DGUOK: variants seen among roughly 807,000 people sequenced by gnomAD.
The protein encoded by DGUOK is deoxyguanosine kinase.
A neutral mutation model predicts 36.6 loss-of-function variants in DGUOK; 30 were observed. The observed-to-expected ratio is 0.82, with a 90% confidence interval of 0.61 to 1.11. The LOEUF is 1.11. DGUOK is among the 50% of genes most tolerant of loss of function. DGUOK has a pLI of 0.00. For synonymous variants in DGUOK, 145 were observed against 126.3 expected, an observed-to-expected ratio of 1.15 and a Z score of -0.99; for missense variants, 361 against 336.4, an observed-to-expected ratio of 1.07 and a Z score of -0.57.
intron 1 of DGUOK, among the ~76,000 whole-genome samples, chr2:73,928,252 C>T (rs947283635): frequency 2.0e-5 from 3 of 152,108 alleles, no homozygotes; most frequent in African/African-American, 7.2e-5. Context: ...CTCAGCCTCC[C>T]GAATAGCTGG....
intron 2 of DGUOK, among the ~76,000 whole-genome samples, chr2:73,946,054 C>CA (rs777937800): frequency 2.7e-3 from 87 of 32,224 alleles, no homozygotes; most frequent in East Asian, 7.7e-3. Context: ...GACTCTGTCT[C>CA]AAAAAAAAAA....
intron 1 of DGUOK, among the ~76,000 whole-genome samples, chr2:73,927,426 A>G (rs1680687587): frequency 6.6e-6 from 1 of 152,268 alleles, no homozygotes; most frequent in Admixed American, 6.5e-5. Flanking sequence ...TCCAGTTAAA[A>G]TAGAATTTAA....
At chr2:73,937,050 G>A (rs1489399493) in intron 1 of DGUOK, among the ~76,000 whole-genome samples, 1 of 152,244 alleles carries the variant, frequency 6.6e-6, no homozygotes, top group African/African-American at 2.4e-5. Context: ...CATGATTGGA[G>A]TTTGGTCCTG....
intron 4 of DGUOK, among the ~76,000 whole-genome samples, chr2:73,953,303 T>A (rs1294632812): frequency 2.2e-5 from 3 of 137,968 alleles, no homozygotes; most frequent in Non-Finnish European, 3.0e-5. Flanking sequence ...GTCGTCGTCG[T>A]CGTCGTCGTC....
intron 3 of DGUOK, among the ~76,000 whole-genome samples, chr2:73,948,334 A>ATT (rs1682479194): frequency 6.6e-6 from 1 of 152,264 alleles, no homozygotes; most frequent in South Asian, 2.1e-4. Context: ...TTAGAAATGC[A>ATT]TTAAGAAGCT....
At chr2:73,928,073 T>TA (rs1456389736) in intron 1 of DGUOK, among the ~76,000 whole-genome samples, 3 of 152,130 alleles carry the variant, frequency 2.0e-5, no homozygotes, top group Admixed American at 1.3e-4. Flanking sequence ...AACAATATGT[T>TA]AGAGAGTAAT....
intron 2 of DGUOK, among the ~76,000 whole-genome samples, chr2:73,939,241 G>A (rs2104908759): frequency 6.6e-6 from 1 of 152,306 alleles, no homozygotes; most frequent in African/African-American, 2.4e-5. Flanking sequence ...CTAAGTGACT[G>A]CCTCTGTTGT....
chr2:73,952,767 A>C (rs956629759), intron 4 of DGUOK, among the ~76,000 whole-genome samples: 1 of 152,298 alleles, frequency 6.6e-6, no homozygotes. Context: ...GGGCCAGCTG[A>C]AGAGGCTCTT....
At chr2:73,957,948 A>G in intron 5 of DGUOK, 198 bp from the exon 6 acceptor site, 1 of 499,264 alleles carries the variant, frequency 2.0e-6, no homozygotes, top group Admixed American at 2.9e-5. Flanking sequence ...ACTCTCAAGA[A>G]TGAAGAGAAA....
intron 2 of DGUOK, among the ~76,000 whole-genome samples, chr2:73,941,143 C>A (rs898563166): frequency 4.6e-5 from 7 of 152,196 alleles, no homozygotes; most frequent in African/African-American, 1.4e-4. Flanking sequence ...CAGGAAGCAG[C>A]CTTTTCAAGG....
rs1471941968 is a variant in DGUOK at position 73,958,832 on chromosome 2, C to T, written c.*96C>T. The T allele has an allele frequency of 1.9e-6, 2 of 1,029,840 alleles. No homozygotes were observed. Among genetic ancestry groups the T allele is most frequent in the African/African-American group, 3.1e-5 (2 of 63,752 alleles). The allele number at this position is 1,029,840 out of a possible 1,614,324, so 63.8% of individuals were successfully genotyped here. A position where few individuals can be genotyped will look rare whatever the true frequency, so the allele number is the denominator to read the frequency against. Reference sequence around the variant, plus strand: ...CCAACCACCTTTCCATCCCCAGCCCCTCTCATCCCTGGAGCACTCTGCCGC... The same window carrying T: ...CCAACCACCTTTCCATCCCCAGCCCTTCTCATCCCTGGAGCACTCTGCCGC... On this transcript the variant is annotated 3_prime_UTR_variant, in exon 7 of 7. Coordinates refer to ENST00000264093, the MANE Select transcript of DGUOK (RefSeq NM_080916.3).
At chr2:73,943,147 G>A (rs1002809390) in intron 2 of DGUOK, among the ~76,000 whole-genome samples, 2 of 151,780 alleles carry the variant, frequency 1.3e-5, no homozygotes, top group African/African-American at 4.8e-5. Flanking sequence ...ATTTTTGTTT[G>A]TTTTGACTTT....
chr2:73,930,782 C>CTTTTT lies in DGUOK; in HGVS notation c.142+3737_142+3741dup, dbSNP rs1020072202. On this transcript the variant is annotated intron_variant, in intron 1 of 6. Transcript: ENST00000264093. ...GAGAAAACAGATTCGACATAATTTT[C>CTTTTT]TTTTTTTTTTTCTTTTTTTTTTTTT... Among the ~76,000 whole-genome samples, 4 of 95,474 alleles carry CTTTTT rather than the reference C, an allele frequency of 4.2e-5. 1 individual carries two copies. Among genetic ancestry groups the CTTTTT allele is most frequent in the Non-Finnish European group, 4.3e-5 (2 of 46,462 alleles). The allele number at this position is 95,474 out of a possible 152,430, so 62.6% of individuals were successfully genotyped here. A position where few individuals can be genotyped will look rare whatever the true frequency, so the allele number is the denominator to read the frequency against.
chr2:73,945,873 ATTAGC>A, intron 2 of DGUOK, among the ~76,000 whole-genome samples: 1 of 152,248 alleles, frequency 6.6e-6, no homozygotes, highest in East Asian at 1.9e-4. Flanking sequence ...AAATACAAAA[ATTAGC>A]TTGTCGTGGT....
At chr2:73,948,484 G>A (rs1195903047) in intron 3 of DGUOK, among the ~76,000 whole-genome samples, 1 of 152,194 alleles carries the variant, frequency 6.6e-6, no homozygotes, top group East Asian at 1.9e-4. Context: ...AATCCCGAGG[G>A]TAATTTAGAC....
chr2:73,937,765 T>C (rs1280336197), intron 1 of DGUOK, among the ~76,000 whole-genome samples: 1 of 152,196 alleles, frequency 6.6e-6, no homozygotes, highest in Non-Finnish European at 1.5e-5. Context: ...CAAACATTGG[T>C]ATAAATGGGA....
Position 73,942,001 on chromosome 2 carries a change from C to T in DGUOK, c.255+2979C>T, listed in dbSNP as rs116678323. On this transcript the variant is annotated intron_variant, in intron 2 of 6. Transcript: ENST00000264093. ...TTGGCTCAGTGCAACCTCTGCCTTC[C>T]GAGTTCAAGCAGTTCTCCCTGCCTC... 3.3e-5 allele frequency among the ~76,000 whole-genome samples: 5 copies of T among 151,730 alleles called. No individual in the cohort carries two copies. In the South Asian group the frequency reaches 6.2e-4, roughly 19 times the overall value.
intron 2 of DGUOK, among the ~76,000 whole-genome samples, chr2:73,939,374 G>A (rs188144297): frequency 3.3e-4 from 50 of 152,310 alleles, no homozygotes; most frequent in African/African-American, 1.2e-3. Context: ...GCTAATTATA[G>A]TGATTTTAAC....
intron 1 of DGUOK, among the ~76,000 whole-genome samples, chr2:73,936,675 AT>A (rs1289730237): frequency 2.6e-5 from 4 of 152,146 alleles, no homozygotes; most frequent in Non-Finnish European, 4.4e-5. Context: ...CAGTCTTAAG[AT>A]TTATTTTTTA....
Sources: gnomAD v4.1 joint callset for allele counts (sites outside exome capture counted in the v4.1 genomes callset) on GRCh38, gnomAD v4.1.1 for gene constraint, MANE v1.5 for transcripts, NCBI Gene and HGNC (gene_info 2026-07-23, HGNC 2026-07-21) for gene names.